Variants in NUDC observed in about 807,000 individuals in gnomAD.
NUDC encodes nuclear distribution C, dynein complex regulator.
NUDC carries 14 observed loss-of-function variants against 45.0 expected under a neutral mutation model. That is an observed-to-expected ratio of 0.31 (90% confidence interval 0.21 to 0.49). The LOEUF (loss-of-function observed/expected upper bound fraction) is 0.49. Among genes scored for constraint, NUDC ranks in the 20% least tolerant of loss-of-function variants. NUDC has a pLI of 0.99. For synonymous variants in NUDC, 153 were observed against 156.7 expected (o/e 0.98, Z 0.17); for missense variants, 323 against 426.2 (o/e 0.76, Z 2.13).
At chr1:26,900,254 G>C in exon 1 of NUDC, 1 of 1,614,128 alleles carries the variant, frequency 6.2e-7, no homozygotes, top group East Asian at 2.2e-5. Flanking sequence ...TTAGGGCAGA[G>C]TTAGGAGCGG....
chr1:26,903,991 A>C (rs2081991718), intron 2 of NUDC, among the ~76,000 whole-genome samples: 1 of 144,160 alleles, frequency 6.9e-6, no homozygotes, highest in Admixed American at 7.0e-5. Flanking sequence ...AGCCTGGGTG[A>C]CAGAGCAAGA....
intron 1 of NUDC, chr1:26,922,202 C>T (rs1168235186): frequency 2.4e-5 from 13 of 540,884 alleles, no homozygotes; most frequent in Non-Finnish European, 3.3e-5. Flanking sequence ...CCCCCACCCC[C>T]GTTTCCACTT....
At chr1:26,905,223 C>G (rs1036197244) in intron 2 of NUDC, among the ~76,000 whole-genome samples, 25 of 127,728 alleles carry the variant, frequency 2.0e-4, no homozygotes, top group Non-Finnish European at 1.5e-4. Context: ...TGCAATGGCA[C>G]CATCTCGGCT....
intron 2 of NUDC, among the ~76,000 whole-genome samples, chr1:26,928,557 C>G (rs937599356): frequency 6.6e-6 from 1 of 152,136 alleles, no homozygotes; most frequent in Non-Finnish European, 1.5e-5. Flanking sequence ...ATTAGCCAGG[C>G]CTTGTGGCAC....
rs771427784 is a variant in NUDC, at chr1:26,911,973, G to A, written c.93+738G>A. On this transcript the variant is annotated intron_variant, in intron 3 of 6. Coordinates refer to the NUDC transcript ENST00000435827. ...AGGGTGGAGGCCGTGAGGAGGACAC[G>A]GGTCAGGCGGCCTTGGGCTGCTGGG... 8.1e-6 allele frequency: 13 copies of A among 1,614,232 alleles called. No homozygotes were observed. Among genetic ancestry groups the A allele is most frequent in the South Asian group, 1.1e-5 (1 of 91,082 alleles).
At chr1:26,935,706 G>C (rs1316587947) in intron 2 of NUDC, among the ~76,000 whole-genome samples, 1 of 151,996 alleles carries the variant, frequency 6.6e-6, no homozygotes, top group African/African-American at 2.4e-5. Context: ...ATATCATCTA[G>C]TCAAGACATT....
chr1:26,941,221 G>T (rs1020507523), intron 2 of NUDC, among the ~76,000 whole-genome samples: 1 of 151,490 alleles, frequency 6.6e-6, no homozygotes, highest in Admixed American at 6.6e-5. Context: ...GAGCCAGCGC[G>T]CCCGGCCAAG....
chr1:26,923,150 GC>G lies in NUDC; in HGVS notation c.82-938del, dbSNP rs1570723091. ...TATCTGGTGCCCAGCATTGCAGGTG[GC>G]AGACAGACTAAGCCATGGTTCATGG... On this transcript the variant is annotated intron_variant, in intron 1 of 8. Coordinates refer to ENST00000321265, the MANE Select transcript of NUDC (RefSeq NM_006600.4). Among the ~76,000 whole-genome samples, 3 of 152,258 alleles carry G rather than the reference GC, an allele frequency of 2.0e-5. No homozygotes were observed. In the East Asian group the frequency reaches 5.8e-4, roughly 29 times the overall value.
chr1:26,942,596 A>G (rs1377731483), intron 4 of NUDC, 64 bp from the exon 5 acceptor site: 1 of 1,602,456 alleles, frequency 6.2e-7, no homozygotes, highest in South Asian at 1.1e-5. Context: ...GGCTTGGCCC[A>G]GTGAGGGTTC....
intron 3 of NUDC, chr1:26,914,033 G>A: frequency 9.4e-7 from 1 of 1,065,084 alleles, no homozygotes; most frequent in East Asian, 2.8e-5. Flanking sequence ...CGGGGGGAAT[G>A]GCCCAACAAC....
intron 2 of NUDC, among the ~76,000 whole-genome samples, chr1:26,926,295 T>C (rs1435246624): frequency 6.6e-6 from 1 of 152,236 alleles, no homozygotes; most frequent in East Asian, 1.9e-4. Flanking sequence ...AACTCTTTAA[T>C]GTGTCCTGAA....
intron 2 of NUDC, among the ~76,000 whole-genome samples, chr1:26,908,143 C>T (rs1480085259): frequency 6.6e-6 from 1 of 151,990 alleles, no homozygotes; most frequent in East Asian, 1.9e-4. Flanking sequence ...CGCGCCACTG[C>T]ACTCCAGCCT....
rs769188863 is a variant in NUDC, at chr1:26,921,801, C to A, written c.-48C>A. 2 of 1,530,706 alleles carry A rather than the reference C, an allele frequency of 1.3e-6. No individual in the cohort carries two copies. The highest frequency in any genetic ancestry group is 1.4e-5 in the African/African-American group (1 of 72,592). 94.8% of individuals were successfully genotyped at this position (1,530,706 alleles called of 1,614,324 possible). A position where few individuals can be genotyped will look rare whatever the true frequency, so the allele number is the denominator to read the frequency against. On this transcript the variant is annotated 5_prime_UTR_variant, in exon 1 of 9. Transcript: ENST00000321265. ...GCGCGACCCGCAGGAGCGTAGAGAGCGCGGGACTAGAGTGCAGAGCTCCGG... is the reference window on the plus strand; with the variant it reads ...GCGCGACCCGCAGGAGCGTAGAGAGAGCGGGACTAGAGTGCAGAGCTCCGG...
intron 2 of NUDC, among the ~76,000 whole-genome samples, chr1:26,910,512 T>A (rs1236536926): frequency 6.6e-6 from 1 of 152,182 alleles, no homozygotes; most frequent in Non-Finnish European, 1.5e-5. Flanking sequence ...GCCTGAATGA[T>A]GACGCCTAGA....
chr1:26,921,960 G>A (rs1289146795), intron 1 of NUDC, 31 bp downstream of exon 1: 5 of 1,545,476 alleles, frequency 3.2e-6, no homozygotes, highest in Non-Finnish European at 4.4e-6. Flanking sequence ...GGCCCACCCG[G>A]CGGCCTTGGC....
intron 2 of NUDC, among the ~76,000 whole-genome samples, chr1:26,903,036 A>AT (rs2081987263): frequency 6.6e-6 from 1 of 151,398 alleles, no homozygotes; most frequent in African/African-American, 2.4e-5. Context: ...TGGGCAACAG[A>AT]GCGAGACTCT....
chr1:26,934,076 G>A (rs56684417), intron 2 of NUDC, among the ~76,000 whole-genome samples: 2 of 152,150 alleles, frequency 1.3e-5, no homozygotes, highest in African/African-American at 2.4e-5. Context: ...TCGCTTAAAC[G>A]TGGGAGGCAG....
At chr1:26,913,553 C>T (rs762584749) in intron 3 of NUDC, 2 of 1,613,990 alleles carry the variant, frequency 1.2e-6, no homozygotes, top group East Asian at 2.2e-5. Flanking sequence ...CCACTGCCTC[C>T]ACTGCTGCTG....
intron 3 of NUDC, among the ~76,000 whole-genome samples, chr1:26,914,235 A>C (rs2082048774): frequency 6.6e-6 from 1 of 152,174 alleles, no homozygotes; most frequent in East Asian, 1.9e-4. Flanking sequence ...CAGATGACTC[A>C]AGTGGATAAA....
Sources: allele counts gnomAD v4.1 joint callset (sites outside exome capture counted in the v4.1 genomes callset), GRCh38; gene constraint gnomAD v4.1.1; transcripts MANE v1.5; gene names NCBI Gene and HGNC (gene_info 2026-07-23, HGNC 2026-07-21).